Variants in TMEM39A observed in about 807,000 individuals in gnomAD.
TMEM39A encodes the protein transmembrane protein 39A, also known as suppressor of SQST-1 aggregates in rpl-43 mutants.
Under a neutral mutation model 51.9 loss-of-function variants are expected in TMEM39A, and 19 were observed. The ratio of observed to expected loss-of-function variants is 0.37; its 90% CI spans 0.26 to 0.54. TMEM39A has a LOEUF of 0.54. Among genes scored for constraint, TMEM39A ranks in the 20% least tolerant of loss-of-function variants. The pLI is 0.88. For synonymous variants in TMEM39A, 197 were observed against 220.2 expected (o/e 0.89, Z 0.93); for missense variants, 433 against 590.5 (o/e 0.73, Z 2.76).
chr3:119,445,723 G>A (rs1005003468), intron 5 of TMEM39A, among the ~76,000 whole-genome samples: 50 of 152,202 alleles, frequency 3.3e-4, no homozygotes, highest in Admixed American at 2.7e-3. Flanking sequence ...ATGGACTAAT[G>A]GATAGAGGGA....
chr3:119,440,751 C>A (rs189310321), intron 5 of TMEM39A, among the ~76,000 whole-genome samples: 4 of 152,264 alleles, frequency 2.6e-5, no homozygotes, highest in Admixed American at 2.0e-4. Context: ...GTGGATTATA[C>A]AACTTCTTAA....
chr3:119,438,015 C>A lies in TMEM39A; in HGVS notation c.664G>T (p.Glu222Ter). 1 of 1,614,064 alleles carries A rather than the reference C, an allele frequency of 6.2e-7. No individual in the cohort carries two copies. Among genetic ancestry groups the A allele is most frequent in the Non-Finnish European group, 8.5e-7 (1 of 1,179,976 alleles). ...GTCGAGGCACTTTCCTCTACTGCCT[C>A]GTGCTGAACCACATAGTTGTAGTCT... ...LTDYNYVVQH[E>*]AVEESASTVG... is the part of the protein sequence containing the mutation. The change falls in exon 6 of 9, where the codon GAG (glutamate) becomes TAG (stop). Residue 222 changes from glutamate (E) to a stop codon, truncating the protein, a stop_gained. Transcript: ENST00000319172. LOFTEE classifies it high-confidence loss of function.
At chr3:119,440,704 C>T (rs937781510) in intron 5 of TMEM39A, among the ~76,000 whole-genome samples, 2 of 152,090 alleles carry the variant, frequency 1.3e-5, no homozygotes, top group East Asian at 1.9e-4. Context: ...TTAAATTTCT[C>T]GCACTTTTGA....
intron 5 of TMEM39A, among the ~76,000 whole-genome samples, chr3:119,440,907 C>A (rs1481585378): frequency 6.6e-6 from 1 of 152,144 alleles, no homozygotes; most frequent in Non-Finnish European, 1.5e-5. Context: ...AAAGTGCTCA[C>A]TTTGTGTCTC....
chr3:119,458,351 C>A (rs1199043845), intron 2 of TMEM39A, 111 bp from the exon 3 acceptor site: 29 of 846,964 alleles, frequency 3.4e-5, no homozygotes, highest in Non-Finnish European at 5.2e-5. Context: ...GCTTTCCCCA[C>A]AAGACTCCAT....
intron 3 of TMEM39A, among the ~76,000 whole-genome samples, chr3:119,454,436 G>A (rs1223233386): frequency 1.3e-5 from 2 of 152,014 alleles, no homozygotes; most frequent in Non-Finnish European, 2.9e-5. Context: ...AGATTCACTC[G>A]ACCCCTGGCT....
At chr3:119,435,577 T>A (rs1360485905) in intron 7 of TMEM39A, 318 of 802,596 alleles carry the variant, frequency 4.0e-4, no homozygotes, top group Middle Eastern at 1.9e-3. Context: ...TTAAGCTTTT[T>A]AAAAAAAAAA....
Position 119,436,980 on chromosome 3 carries a change from T to C in TMEM39A, c.925-2A>G. On this transcript the variant is annotated splice_acceptor_variant, in intron 6 of 8. Coordinates refer to ENST00000319172, the MANE Select transcript of TMEM39A (RefSeq NM_018266.3). LOFTEE classifies it high-confidence loss of function. ...GCGCATGTCATAGTACTGGGTACTC[T>C]GGAAGAGATCAGAAGAGAGAGAAAT... The C allele has an allele frequency of 6.2e-7, 1 of 1,608,954 alleles. No individual in the cohort carries two copies. The highest frequency in any genetic ancestry group is 8.5e-7 in the Non-Finnish European group (1 of 1,175,944).
At chr3:119,444,686 G>A (rs1034691852) in intron 5 of TMEM39A, among the ~76,000 whole-genome samples, 3 of 152,202 alleles carry the variant, frequency 2.0e-5, no homozygotes, top group Non-Finnish European at 2.9e-5. Flanking sequence ...TCACCTTGAG[G>A]GCTTGTTAAA....
chr3:119,432,546 A>G (rs1372164114), intron 8 of TMEM39A, among the ~76,000 whole-genome samples: 1 of 152,178 alleles, frequency 6.6e-6, no homozygotes, highest in East Asian at 1.9e-4. Context: ...AAGTATATTC[A>G]TCTAAGACAG....
At position 119,452,428 on chromosome 3, in the gene TMEM39A, A is replaced by AT; in HGVS notation, c.420+18dup. Reference sequence around the variant, plus strand: ...TAACTCTAGCTACATGTGATAGAATATAGTCAATGAACTGTTACCTCTGAG... The same window carrying AT: ...TAACTCTAGCTACATGTGATAGAATATTAGTCAATGAACTGTTACCTCTGAG... On this transcript the variant is annotated intron_variant, in intron 4 of 8. Transcript: ENST00000319172. 6.3e-7 allele frequency: 1 copy of AT among 1,599,652 alleles called. No individual in the cohort carries two copies. Among genetic ancestry groups the AT allele is most frequent in the Non-Finnish European group, 8.6e-7 (1 of 1,167,520 alleles).
At chr3:119,454,031 A>G (rs1410115942) in intron 3 of TMEM39A, among the ~76,000 whole-genome samples, 3 of 152,212 alleles carry the variant, frequency 2.0e-5, no homozygotes, top group African/African-American at 7.2e-5. Flanking sequence ...TGGCATTACA[A>G]GCTCTGGGGA....
rs2081368076 is a variant in TMEM39A at position 119,463,555 on chromosome 3, A to AAGCTAG, written c.-300_-295dup. ...CGACGCAGTTCCAGTGCCAGAGCTA[A>AAGCTAG]AGCTAGAGCCAGAGCCTGATACTTC... On this transcript the variant is annotated 5_prime_UTR_variant, in exon 1 of 9. Coordinates refer to ENST00000319172, the MANE Select transcript of TMEM39A (RefSeq NM_018266.3). 7.5e-6 allele frequency: 3 copies of AAGCTAG among 398,854 alleles called. No individual in the cohort carries two copies. Among genetic ancestry groups the AAGCTAG allele is most frequent in the Non-Finnish European group, 1.3e-5 (3 of 226,256 alleles). 24.7% of individuals were successfully genotyped at this position (398,854 alleles called of 1,614,324 possible). A position where few individuals can be genotyped will look rare whatever the true frequency, so the allele number is the denominator to read the frequency against.
intron 5 of TMEM39A, among the ~76,000 whole-genome samples, chr3:119,442,408 G>A (rs1011466272): frequency 2.6e-5 from 4 of 151,984 alleles, no homozygotes; most frequent in Non-Finnish European, 5.9e-5. Context: ...GGCTCTGATG[G>A]AGATTGTTGT....
Position 119,456,506 on chromosome 3 carries a change from T to C in TMEM39A, c.336+1512A>G, listed in dbSNP as rs578126745. 2.6e-5 allele frequency among the ~76,000 whole-genome samples: 4 copies of C among 152,366 alleles called. No homozygotes were observed. The East Asian group carries it at 5.8e-4, about 22-fold the overall frequency. On this transcript the variant is annotated intron_variant, in intron 3 of 8. Transcript: ENST00000319172. ...GATTTTGGCCCACATTTCCTTTCTA[T>C]GTTCACCATGATAGGGAGGCTTTCT...
intron 4 of TMEM39A, among the ~76,000 whole-genome samples, chr3:119,448,275 T>G (rs2081154391): frequency 6.6e-6 from 1 of 152,212 alleles, no homozygotes; most frequent in African/African-American, 2.4e-5. Flanking sequence ...AATGCCATTT[T>G]CTTTCTGAAT....
intron 4 of TMEM39A, among the ~76,000 whole-genome samples, chr3:119,450,866 T>C (rs1294494394): frequency 6.9e-6 from 1 of 145,690 alleles, no homozygotes; most frequent in African/African-American, 2.5e-5. Context: ...TGCAAGCCTA[T>C]TCCAACTAAG....
At chr3:119,437,616 G>T in intron 6 of TMEM39A, 139 bp downstream of exon 6, 1 of 607,150 alleles carries the variant, frequency 1.6e-6, no homozygotes, top group Non-Finnish European at 2.8e-6. Flanking sequence ...CGGTATTAGT[G>T]CACTCCAGAT....
At position 119,444,017 on chromosome 3, in the gene TMEM39A, C is replaced by T. The variant is rs927909350; in HGVS notation, c.575+3001G>A. Among the ~76,000 whole-genome samples, 6 of 152,284 alleles carry T rather than the reference C, an allele frequency of 3.9e-5. No individual in the cohort carries two copies. The South Asian group carries it at 8.3e-4, about 21-fold the overall frequency. On this transcript the variant is annotated intron_variant, in intron 5 of 8. Transcript: ENST00000319172. Reference sequence around the variant, plus strand: ...GACATGACTCGTTTATTGTGATATTCGCTTTATTGCAGCAGTCTGGAACAG... The same window carrying T: ...GACATGACTCGTTTATTGTGATATTTGCTTTATTGCAGCAGTCTGGAACAG...
Sources: allele counts gnomAD v4.1 joint callset (sites outside exome capture counted in the v4.1 genomes callset), GRCh38; gene constraint gnomAD v4.1.1; transcripts MANE v1.5; gene names NCBI Gene and HGNC (gene_info 2026-07-23, HGNC 2026-07-21).